The following MBP variants were observed in gnomAD, a reference collection of about 807,000 sequenced individuals.
MBP encodes Golli-MBP.
A neutral mutation model predicts 35.8 loss-of-function variants in MBP; 16 were observed. That is an observed-to-expected ratio of 0.45 (90% CI 0.30 to 0.68). The LOEUF is 0.68. Ranked by LOEUF, MBP falls within the 30% of genes least tolerant of loss-of-function variation. The pLI, the probability that MBP is intolerant of heterozygous loss-of-function variation, is 0.08. For missense variants in MBP, 380 were observed against 404.7 expected, an observed-to-expected ratio of 0.94 and a Z score of 0.52; for synonymous variants, 143 against 159.6, an observed-to-expected ratio of 0.90 and a Z score of 0.78.
chr18:77,084,411 G>C (rs902979432), intron 2 of MBP, among the ~76,000 whole-genome samples: 10 of 73,472 alleles, frequency 1.4e-4, no homozygotes, highest in East Asian at 5.0e-4. Flanking sequence ...TCACAACACC[G>C]CCCCCCCCGC....
In MBP at chr18:76,988,933, G is replaced by A. The variant is rs374025717; in HGVS notation, c.682-21C>T. ...GTCACCTGGAAAGACACAGAGAACC[G>A]TGGGCTGCACTGGGAGCCCTGTGCC... is the stretch of plus-strand genomic sequence containing the variant. On this transcript the variant is annotated intron_variant, in intron 5 of 8. Coordinates refer to ENST00000355994, the MANE Select transcript of MBP (RefSeq NM_001025101.2). This position sits in a 1 kb window ranked among gnomAD's most constrained non-coding sequence, Gnocchi z 5.2. 8.1e-6 allele frequency: 13 copies of A among 1,613,438 alleles called. No homozygotes were observed. Among genetic ancestry groups the A allele is most frequent in the African/African-American group, 6.7e-5 (5 of 74,918 alleles).
chr18:77,017,173 C>T lies in MBP; in HGVS notation c.235G>A (p.Asp79Asn). Residue 79 changes from aspartate (D) to asparagine (N), a missense_variant, in exon 4 of 9, where the codon GAT becomes AAT. Asp to Asn is a conservative substitution (Grantham distance 23). Transcript: ENST00000355994. ...RTADPKNAWQDAHPADPGSRP... is the reference protein window; with the variant it reads ...RTADPKNAWQNAHPADPGSRP... ...CTCCCTGGGTCAGCTGGGTGGGCAT[C>T]CTGCCAGGCATTCTTCGGGTCCGCT... 6.5e-7 allele frequency: 1 copy of T among 1,545,452 alleles called. No individual in the cohort carries two copies. Among genetic ancestry groups the T allele is most frequent in the Non-Finnish European group, 8.7e-7 (1 of 1,144,948 alleles).
chr18:77,017,376 G>C, intron 3 of MBP, 108 bp from the exon 4 acceptor site: 1 of 1,051,652 alleles, frequency 9.5e-7, no homozygotes, highest in Non-Finnish European at 1.3e-6. Flanking sequence ...AAAACCCACA[G>C]AATATGTGCA....
rs549678734 is a variant in MBP, at chr18:77,068,553, C to T, written c.52-2168G>A. ...TCATTGGAGCACTCATTCTGTTTTG[C>T]AGAAAGAGGTGTTGCCTGATTCTAG... is the stretch of plus-strand genomic sequence containing the variant. On this transcript the variant is annotated intron_variant, in intron 2 of 8. Transcript: ENST00000355994. Among the ~76,000 whole-genome samples the T allele has an allele frequency of 3.3e-5, 5 of 152,284 alleles. No individual in the cohort carries two copies. The East Asian group carries it at 7.7e-4, about 24-fold the overall frequency.
At chr18:77,024,379 G>A (rs1421083624) in intron 3 of MBP, among the ~76,000 whole-genome samples, 1 of 152,208 alleles carries the variant, frequency 6.6e-6, no homozygotes, top group Non-Finnish European at 1.5e-5. Flanking sequence ...ATTCTGTTTA[G>A]AAATTAATTT....
intron 3 of MBP, among the ~76,000 whole-genome samples, chr18:77,042,996 C>T (rs1973079620): frequency 6.6e-6 from 1 of 152,234 alleles, no homozygotes; most frequent in South Asian, 2.1e-4. Flanking sequence ...CCTTGGATAA[C>T]TCTCTTCAAC....
intron 4 of MBP, among the ~76,000 whole-genome samples, chr18:76,997,500 G>A (rs1970337493): frequency 1.3e-5 from 2 of 152,242 alleles, no homozygotes; most frequent in African/African-American, 4.8e-5. Context: ...TGTGAGATCA[G>A]CCTCTGGTGA....
intron 7 of MBP, chr18:76,987,318 C>G: frequency 1.0e-6 from 1 of 985,422 alleles, no homozygotes; most frequent in Non-Finnish European, 1.2e-6. Flanking sequence ...ATTGTGAGTA[C>G]TAGTCCATGT....
rs1463272071 is a variant in MBP, at chr18:76,979,737, T to G, written c.*690A>C. ...GGCCATTGCCCAGCCCACGTTTGCCTCCTTTTCCTCCCTCTGCCACACGCG... is the reference window on the plus strand; with the variant it reads ...GGCCATTGCCCAGCCCACGTTTGCCGCCTTTTCCTCCCTCTGCCACACGCG... On this transcript the variant is annotated 3_prime_UTR_variant, in exon 9 of 9. Transcript: ENST00000355994. The G allele has an allele frequency of 7.0e-6, 4 of 573,146 alleles. No homozygotes were observed. The highest frequency in any genetic ancestry group is 1.2e-5 in the Non-Finnish European group (4 of 322,582). The allele number at this position is 573,146 out of a possible 1,614,324, so 35.5% of individuals were successfully genotyped here.
rs1048483053 is a variant in MBP, at chr18:76,980,280, G to A, written c.*147C>T. 7 of 784,520 alleles carry A rather than the reference G, an allele frequency of 8.9e-6. No individual in the cohort carries two copies. The highest frequency in any genetic ancestry group is 1.4e-5 in the Non-Finnish European group (6 of 434,258). 48.6% of individuals were successfully genotyped at this position (784,520 alleles called of 1,614,324 possible). A position where few individuals can be genotyped will look rare whatever the true frequency, so the allele number is the denominator to read the frequency against. On this transcript the variant is annotated 3_prime_UTR_variant, in exon 9 of 9. Coordinates refer to ENST00000355994, the MANE Select transcript of MBP (RefSeq NM_001025101.2). Reference sequence around the variant, plus strand: ...GGCCGGAAATTGCCGGTAGGCTGCCGTGGCCTGACCCTACTACGTGCACAA... The same window carrying A: ...GGCCGGAAATTGCCGGTAGGCTGCCATGGCCTGACCCTACTACGTGCACAA...
At chr18:77,064,166 A>T (rs1974097262) in intron 3 of MBP, among the ~76,000 whole-genome samples, 1 of 152,202 alleles carries the variant, frequency 6.6e-6, no homozygotes, top group African/African-American at 2.4e-5. Flanking sequence ...CATCTAAATG[A>T]ATTTTTATTC....
chr18:76,995,235 T>A lies in MBP; in HGVS notation c.577-5175A>T, dbSNP rs528507192. On this transcript the variant is annotated intron_variant, in intron 4 of 8. Coordinates refer to ENST00000355994, the MANE Select transcript of MBP (RefSeq NM_001025101.2). Reference sequence around the variant, plus strand: ...ATACTATGTTCATGAATTAGAAGACTCAACATAGTAAAACTGTTGATTCTT... The same window carrying A: ...ATACTATGTTCATGAATTAGAAGACACAACATAGTAAAACTGTTGATTCTT... Among the ~76,000 whole-genome samples the A allele has an allele frequency of 1.4e-3, 210 of 152,312 alleles. 2 individuals are homozygous for A. The highest frequency in any genetic ancestry group is 0.011 in the South Asian group (52 of 4,828).
intron 2 of MBP, among the ~76,000 whole-genome samples, chr18:77,087,131 G>T (rs1361505440): frequency 6.6e-6 from 1 of 152,068 alleles, no homozygotes; most frequent in Non-Finnish European, 1.5e-5. Flanking sequence ...CGAAGCACTG[G>T]CAGAGCCCTT....
intron 1 of MBP, among the ~76,000 whole-genome samples, chr18:77,129,168 T>C (rs1182897457): frequency 6.6e-6 from 1 of 152,248 alleles, no homozygotes; most frequent in African/African-American, 2.4e-5. Context: ...TGGCCTCACA[T>C]AGGTCTGTTT....
chr18:77,063,912 G>C (rs536342259), intron 3 of MBP, among the ~76,000 whole-genome samples: 1 of 152,056 alleles, frequency 6.6e-6, no homozygotes, highest in Admixed American at 6.5e-5. Flanking sequence ...GTGTGTGTGT[G>C]TGTGTGTGTG....
At chr18:77,046,818 G>A (rs470241) in intron 3 of MBP, among the ~76,000 whole-genome samples, 134,402 of 152,278 alleles carry the variant, frequency 0.88, 59,699 homozygotes, top group South Asian at 0.93. Flanking sequence ...CTTTTGTTCT[G>A]GTGTAAGTAC....
At chr18:77,018,860 C>T (rs1398846342) in intron 3 of MBP, among the ~76,000 whole-genome samples, 1 of 132,302 alleles carries the variant, frequency 7.6e-6, no homozygotes, top group Non-Finnish European at 1.6e-5. Context: ...ATCCACTCAT[C>T]CATCTATCCA....
At chr18:77,130,094 T>C (rs1408948062) in intron 1 of MBP, among the ~76,000 whole-genome samples, 2 of 152,132 alleles carry the variant, frequency 1.3e-5, no homozygotes, top group Admixed American at 6.5e-5. Flanking sequence ...ATATTTTCTT[T>C]TCTTTTTTAT....
intron 1 of MBP, among the ~76,000 whole-genome samples, chr18:77,111,772 C>A (rs941484648): frequency 6.6e-5 from 10 of 152,224 alleles, no homozygotes; most frequent in Non-Finnish European, 8.8e-5. Context: ...CAGCCCCTCA[C>A]CCCTAGAACA....
Sources: allele counts gnomAD v4.1 joint callset (sites outside exome capture counted in the v4.1 genomes callset), GRCh38; gene constraint gnomAD v4.1.1; non-coding constraint Gnocchi (gnomAD v3.1); transcripts MANE v1.5; gene names NCBI Gene and HGNC (gene_info 2026-07-23, HGNC 2026-07-21).